ZNF654: variants seen among roughly 807,000 people sequenced by gnomAD.
ZNF654 encodes melanoma-associated antigen.
A neutral mutation model predicts 95.3 loss-of-function variants in ZNF654; 19 were observed. That is an observed-to-expected ratio of 0.20 (90% CI 0.14 to 0.29). The LOEUF (loss-of-function observed/expected upper bound fraction) is 0.29. Among genes scored for constraint, ZNF654 ranks in the 10% least tolerant of loss-of-function variants. The pLI is 1.00. For synonymous variants in ZNF654, 413 were observed against 457.9 expected (o/e 0.90, Z 1.25); for missense variants, 1,046 against 1,341.0 (o/e 0.78, Z 3.44).
At chr3:88,099,802 A>G (rs1315282929) in intron 2 of ZNF654, among the ~76,000 whole-genome samples, 1 of 152,232 alleles carries the variant, frequency 6.6e-6, no homozygotes, top group African/African-American at 2.4e-5. Context: ...TCCCTTCCTT[A>G]CACCTTATAC....
intron 3 of ZNF654, among the ~76,000 whole-genome samples, chr3:88,119,833 C>G (rs535058202): frequency 6.6e-6 from 1 of 152,218 alleles, no homozygotes; most frequent in Admixed American, 6.5e-5. Flanking sequence ...GGTTGTACTT[C>G]CATTAGCATG....
chr3:88,140,672 A>G lies in ZNF654; in HGVS notation c.3003A>G (p.Arg1001=). The change falls in exon 8 of 9, where the codon AGA becomes AGG. Residue 1001 remains arginine, a synonymous_variant. Transcript: ENST00000636215. ...SDPALKIDTN[R]IRTENGSILP... ...CTGCTTTGAAAATTGATACAAACAG[A>G]ATCAGGACAGAAAATGGTTCCATTT... The G allele has an allele frequency of 6.2e-7, 1 of 1,613,732 alleles. No individual in the cohort carries two copies. Among genetic ancestry groups the G allele is most frequent in the Admixed American group, 1.7e-5 (1 of 59,988 alleles).
chr3:88,090,413 A>G (rs1708569219), intron 2 of ZNF654, among the ~76,000 whole-genome samples: 1 of 152,178 alleles, frequency 6.6e-6, no homozygotes, highest in Non-Finnish European at 1.5e-5. Context: ...ATTTTTAAAA[A>G]TGGAAAAAAT....
At chr3:88,059,746 G>T (rs1706741630) in intron 1 of ZNF654, among the ~76,000 whole-genome samples, 1 of 152,078 alleles carries the variant, frequency 6.6e-6, no homozygotes, top group Admixed American at 6.6e-5. Context: ...TGGAGGGGCT[G>T]GAAAGAAGGA....
intron 2 of ZNF654, chr3:88,095,857 T>G (rs540094281): frequency 9.9e-5 from 45 of 456,518 alleles, no homozygotes; most frequent in East Asian, 7.4e-4. Context: ...CCTTTCCACT[T>G]CAGCAGATAC....
chr3:88,067,555 C>T (rs1340936985), intron 1 of ZNF654, among the ~76,000 whole-genome samples: 1 of 152,172 alleles, frequency 6.6e-6, no homozygotes, highest in Non-Finnish European at 1.5e-5. Context: ...GATGAGTCTT[C>T]AAATAAAGTT....
intron 1 of ZNF654, among the ~76,000 whole-genome samples, chr3:88,066,598 T>C (rs1327536152): frequency 1.3e-5 from 2 of 151,880 alleles, no homozygotes; most frequent in Non-Finnish European, 2.9e-5. Flanking sequence ...CAAAAAAACC[T>C]CAATTTTAAT....
chr3:88,110,609 C>CT (rs926205310), intron 2 of ZNF654, among the ~76,000 whole-genome samples: 7 of 152,106 alleles, frequency 4.6e-5, no homozygotes, highest in African/African-American at 1.7e-4. Context: ...TTGCTGTAGA[C>CT]TGTTACTCAT....
chr3:88,097,058 T>C (rs1233367444), intron 2 of ZNF654, among the ~76,000 whole-genome samples: 1 of 152,144 alleles, frequency 6.6e-6, no homozygotes, highest in Non-Finnish European at 1.5e-5. Flanking sequence ...CAAAATGTAA[T>C]TAACCAGCCC....
At chr3:88,129,598 C>T in intron 5 of ZNF654, 89 bp from the exon 6 acceptor site, 1 of 1,034,844 alleles carries the variant, frequency 9.7e-7, no homozygotes, top group Non-Finnish European at 1.3e-6. Flanking sequence ...GAAATCTAAG[C>T]AATTTCTCTT....
Position 88,140,515 on chromosome 3 carries a change from CTG to C in ZNF654, c.2848_2849del (p.Val950PhefsTer12). ...AATGGAAACGAACGTTCTGATGACA[CTG>C]TTTCAAATATAAGCTTGATAGACCA... On this transcript the variant is annotated frameshift_variant, in exon 8 of 9. Coordinates refer to ENST00000636215, the MANE Select transcript of ZNF654 (RefSeq NM_001350134.2). LOFTEE classifies it high-confidence loss of function. 6.2e-7 allele frequency: 1 copy of C among 1,613,736 alleles called. No individual in the cohort carries two copies. Among genetic ancestry groups the C allele is most frequent in the Non-Finnish European group, 8.5e-7 (1 of 1,179,750 alleles).
At chr3:88,062,397 G>C (rs1401287830) in intron 1 of ZNF654, among the ~76,000 whole-genome samples, 1 of 152,102 alleles carries the variant, frequency 6.6e-6, no homozygotes, top group Non-Finnish European at 1.5e-5. Context: ...TGTTGTTGTT[G>C]CAAGTGATGT....
At chr3:88,068,906 C>G (rs1320432857) in intron 1 of ZNF654, among the ~76,000 whole-genome samples, 3 of 151,978 alleles carry the variant, frequency 2.0e-5, no homozygotes, top group Non-Finnish European at 4.4e-5. Flanking sequence ...CAGTGCAATA[C>G]AATACATTGT....
intron 1 of ZNF654, among the ~76,000 whole-genome samples, chr3:88,070,536 G>C (rs780559158): frequency 1.1e-3 from 156 of 143,230 alleles, no homozygotes; most frequent in Non-Finnish European, 1.8e-3. Flanking sequence ...TTTGCTATAC[G>C]CCACTGTGGC....
At chr3:88,073,517 G>A (rs1707630871) in intron 1 of ZNF654, among the ~76,000 whole-genome samples, 1 of 152,194 alleles carries the variant, frequency 6.6e-6, no homozygotes, top group Non-Finnish European at 1.5e-5. Flanking sequence ...TGAGGGCCTG[G>A]CTGAATAAGT....
Position 88,140,340 on chromosome 3 carries a change from G to A in ZNF654, c.2671G>A (p.Asp891Asn). Residue 891 changes from aspartate (D) to asparagine (N), a missense_variant, in exon 8 of 9, where the codon GAC becomes AAC. Coordinates refer to ENST00000636215, the MANE Select transcript of ZNF654 (RefSeq NM_001350134.2). ...AACAATTCTTTGGGATGTTCAGACA[G>A]ACTCAAATCCTAATCAGGAAAAAGA... Reference protein sequence around the residue: ...SETILWDVQTDSNPNQEKDSS... With the variant: ...SETILWDVQTNSNPNQEKDSS... 1 of 1,613,534 alleles carries A rather than the reference G, an allele frequency of 6.2e-7. No homozygotes were observed. The highest frequency in any genetic ancestry group is 8.5e-7 in the Non-Finnish European group (1 of 1,179,684).
rs73844859 is a variant in ZNF654 at position 88,085,092 on chromosome 3, G to T, written c.187-1165G>T. Among the ~76,000 whole-genome samples the T allele has an allele frequency of 3.0e-3, 462 of 152,294 alleles. 3 individuals are homozygous for T. The highest frequency in any genetic ancestry group is 0.011 in the African/African-American group (444 of 41,556). On this transcript the variant is annotated intron_variant, in intron 1 of 8. Transcript: ENST00000636215. ...AGCTAGGACTTTTTGAAAAATTGTA[G>T]AAATGTGAGAGACCCATGGAAAATT...
rs749023946 is a variant in ZNF654 at position 88,059,478 on chromosome 3, T to C, written c.159T>C (p.Ser53=). ...GNCGGGVGIS[S]RDYCRRFCQV... ...GCGGCGGCGGCGTCGGAATCAGCAG[T>C]CGGGATTACTGCCGACGCTTCTGTC... is the stretch of plus-strand genomic sequence containing the variant. The change falls in exon 1 of 9, where the codon AGT becomes AGC. Residue 53 remains serine, a synonymous_variant. Transcript: ENST00000636215. 863 of 1,514,386 alleles carry C rather than the reference T, an allele frequency of 5.7e-4. 3 individuals are homozygous for C. The highest frequency in any genetic ancestry group is 3.6e-4 in the Non-Finnish European group (408 of 1,138,394). 93.8% of individuals were successfully genotyped at this position (1,514,386 alleles called of 1,614,324 possible).
intron 6 of ZNF654, among the ~76,000 whole-genome samples, chr3:88,133,945 T>C (rs2107859553): frequency 6.6e-6 from 1 of 152,192 alleles, no homozygotes; most frequent in African/African-American, 2.4e-5. Flanking sequence ...TAGGAAAAGA[T>C]TATCAGTTTT....
Sources: allele counts gnomAD v4.1 joint callset (sites outside exome capture counted in the v4.1 genomes callset), GRCh38; gene constraint gnomAD v4.1.1; transcripts MANE v1.5; gene names NCBI Gene and HGNC (gene_info 2026-07-23, HGNC 2026-07-21).